Variants in PITPNC1 observed in about 807,000 individuals in gnomAD.
The protein encoded by PITPNC1 is cytoplasmic phosphatidylinositol transfer protein 1.
In PITPNC1, 18 loss-of-function variants were observed where a neutral mutation model predicts 44.7. The ratio of observed to expected loss-of-function variants is 0.40; its 90% CI spans 0.28 to 0.60. The LOEUF (loss-of-function observed/expected upper bound fraction) is 0.60, where lower values mean the gene tolerates loss of function less well. Among genes scored for constraint, PITPNC1 ranks in the 20% least tolerant of loss-of-function variants. The pLI is 0.39. For missense variants in PITPNC1, 290 were observed against 418.4 expected, an observed-to-expected ratio of 0.69 and a Z score of 2.68; for synonymous variants, 141 against 149.6, an observed-to-expected ratio of 0.94 and a Z score of 0.42.
At chr17:67,379,227 A>G in intron 1 of PITPNC1, 2 of 985,798 alleles carry the variant, frequency 2.0e-6, no homozygotes, top group Non-Finnish European at 2.4e-6. Context: ...AGCCACCCAG[A>G]CCGTCTTTAT....
intron 1 of PITPNC1, among the ~76,000 whole-genome samples, chr17:67,463,227 A>G (rs756384627): frequency 1.3e-5 from 2 of 152,228 alleles, no homozygotes; most frequent in Non-Finnish European, 1.5e-5. Context: ...TATAATAGCT[A>G]AACAGGAATG....
intron 1 of PITPNC1, among the ~76,000 whole-genome samples, chr17:67,436,052 G>C (rs990097688): frequency 6.6e-6 from 1 of 152,034 alleles, no homozygotes; most frequent in Non-Finnish European, 1.5e-5. Flanking sequence ...CAGTGTTGTG[G>C]TGTGATCATA....
At chr17:67,438,076 AAAAAAAGAAAAAAAAAGAAGAGAAAAG>A (rs1318932890) in intron 1 of PITPNC1, among the ~76,000 whole-genome samples, 17 of 151,954 alleles carry the variant, frequency 1.1e-4, no homozygotes, top group African/African-American at 4.1e-4. Context: ...TCAAAAAAAG[AAAAAAAGAAAAAAAAAGAAGAGAAAAG>A]AAAAAAGAAA....
At chr17:67,460,400 C>T (rs1567998402) in intron 1 of PITPNC1, among the ~76,000 whole-genome samples, 1 of 151,944 alleles carries the variant, frequency 6.6e-6, no homozygotes, top group Non-Finnish European at 1.5e-5. Context: ...AGCTCCCAGA[C>T]TCCCCATCAG....
chr17:67,660,522 A>T lies in PITPNC1; in HGVS notation c.463-8986A>T, dbSNP rs1350697938. On this transcript the variant is annotated intron_variant, in intron 6 of 8. Transcript: ENST00000581322. ...TATATATTTTATTTTATTTTATTTT[A>T]TTTATTTATTTATTTATTTGTTTAT... Among the ~76,000 whole-genome samples, 3 of 132,540 alleles carry T rather than the reference A, an allele frequency of 2.3e-5. No individual in the cohort carries two copies. The Admixed American group carries it at 2.3e-4, about 10-fold the overall frequency. 87.0% of individuals were successfully genotyped at this position (132,540 alleles called of 152,430 possible).
chr17:67,398,205 T>C lies in PITPNC1; in HGVS notation c.48+20003T>C, dbSNP rs144012387. Reference sequence around the variant, plus strand: ...GTTTCAGACCATGAATTTTAAATCATTGTAACTAGGCCCAAATACATCTTT... The same window carrying C: ...GTTTCAGACCATGAATTTTAAATCACTGTAACTAGGCCCAAATACATCTTT... On this transcript the variant is annotated intron_variant, in intron 1 of 8. Transcript: ENST00000581322. Among the ~76,000 whole-genome samples the C allele has an allele frequency of 2.2e-3, 341 of 152,232 alleles. 1 individual carries two copies. The highest frequency in any genetic ancestry group is 7.9e-3 in the African/African-American group (328 of 41,560).
chr17:67,382,908 G>T (rs2037985349), intron 1 of PITPNC1, among the ~76,000 whole-genome samples: 1 of 151,884 alleles, frequency 6.6e-6, no homozygotes, highest in East Asian at 1.9e-4. Context: ...TTACAGGCAT[G>T]AGCCACTGCC....
At chr17:67,681,151 A>G (rs2144435578) in intron 8 of PITPNC1, among the ~76,000 whole-genome samples, 1 of 152,308 alleles carries the variant, frequency 6.6e-6, no homozygotes, top group Non-Finnish European at 1.5e-5. Context: ...AGGCCTTTCA[A>G]ACATATGATC....
chr17:67,385,497 C>A (rs183898794), intron 1 of PITPNC1, among the ~76,000 whole-genome samples: 1 of 147,174 alleles, frequency 6.8e-6, no homozygotes, highest in South Asian at 2.3e-4. Context: ...CTCCCCTCCC[C>A]CCAGGCACCT....
intron 1 of PITPNC1, among the ~76,000 whole-genome samples, chr17:67,526,817 T>C (rs1000871702): frequency 6.6e-6 from 1 of 152,186 alleles, no homozygotes; most frequent in Admixed American, 6.5e-5. Context: ...GCTGAGCTTC[T>C]TCAGTACATT....
At chr17:67,596,279 C>A (rs761957030) in intron 5 of PITPNC1, among the ~76,000 whole-genome samples, 14 of 152,168 alleles carry the variant, frequency 9.2e-5, no homozygotes, top group Admixed American at 2.0e-4. Context: ...TTGCTTGGAA[C>A]CATCTGGGTC....
At chr17:67,472,514 G>A (rs1296399842) in intron 1 of PITPNC1, among the ~76,000 whole-genome samples, 8 of 151,556 alleles carry the variant, frequency 5.3e-5, no homozygotes, top group African/African-American at 1.9e-4. Flanking sequence ...GGGCGTGGTG[G>A]TGGGCGCCTG....
chr17:67,571,427 C>T (rs1022146442), intron 4 of PITPNC1, among the ~76,000 whole-genome samples: 3 of 151,966 alleles, frequency 2.0e-5, no homozygotes, highest in Non-Finnish European at 2.9e-5. Context: ...GGCTCTGTCT[C>T]AAAAAAGAAA....
intron 1 of PITPNC1, among the ~76,000 whole-genome samples, chr17:67,406,408 A>G (rs1485692740): frequency 6.6e-6 from 1 of 151,984 alleles, no homozygotes; most frequent in African/African-American, 2.4e-5. Flanking sequence ...ACTAATCTAT[A>G]CTTTCTGTCC....
intron 1 of PITPNC1, among the ~76,000 whole-genome samples, chr17:67,378,412 C>T (rs1290353107): frequency 1.3e-5 from 2 of 152,040 alleles, no homozygotes; most frequent in Non-Finnish European, 2.9e-5. Context: ...CGGCGGACTC[C>T]GGGTGGGCTT....
At chr17:67,680,327 C>T (rs193106876) in intron 8 of PITPNC1, among the ~76,000 whole-genome samples, 154 of 152,238 alleles carry the variant, frequency 1.0e-3, no homozygotes, top group Admixed American at 4.5e-3. Flanking sequence ...AAGGCTGGCA[C>T]GGTGGCTCAC....
At chr17:67,582,649 C>T (rs1335752899) in intron 5 of PITPNC1, among the ~76,000 whole-genome samples, 1 of 151,468 alleles carries the variant, frequency 6.6e-6, no homozygotes, top group Non-Finnish European at 1.5e-5. Flanking sequence ...AACCAGTATA[C>T]GTATGATTGT....
At chr17:67,682,899 C>T (rs2042737341) in intron 8 of PITPNC1, among the ~76,000 whole-genome samples, 2 of 152,062 alleles carry the variant, frequency 1.3e-5, no homozygotes, top group African/African-American at 4.8e-5. Flanking sequence ...TGGTGGCTCA[C>T]GCCTGTAATC....
chr17:67,646,978 G>A, intron 6 of PITPNC1, among the ~76,000 whole-genome samples: 1 of 152,110 alleles, frequency 6.6e-6, no homozygotes, highest in East Asian at 1.9e-4. Context: ...GATTCCTTCA[G>A]GTAAAGCTAG....
Sources: allele counts gnomAD v4.1 joint callset (sites outside exome capture counted in the v4.1 genomes callset), GRCh38; gene constraint gnomAD v4.1.1; transcripts MANE v1.5; gene names NCBI Gene and HGNC (gene_info 2026-07-23, HGNC 2026-07-21).